CADM1: variants seen among roughly 807,000 people sequenced by gnomAD.
CADM1 encodes the protein cell adhesion molecule 1.
Under a neutral mutation model 53.1 loss-of-function variants are expected in CADM1, and 15 were observed. That is an observed-to-expected ratio of 0.28 (90% CI 0.19 to 0.44). The LOEUF is 0.44. Ranked by LOEUF, CADM1 falls within the 20% of genes least tolerant of loss-of-function variation. The pLI is 1.00. For missense variants in CADM1, 434 were observed against 611.3 expected, an observed-to-expected ratio of 0.71 and a Z score of 3.06; for synonymous variants, 281 against 243.0, an observed-to-expected ratio of 1.16 and a Z score of -1.45.
intron 1 of CADM1, among the ~76,000 whole-genome samples, chr11:115,319,928 G>T (rs905644842): frequency 6.6e-6 from 1 of 152,074 alleles, no homozygotes; most frequent in African/African-American, 2.4e-5. Flanking sequence ...TTATCTTCCT[G>T]TTGGGGCCTT....
chr11:115,227,733 T>C (rs1160679319), intron 5 of CADM1, among the ~76,000 whole-genome samples: 1 of 152,240 alleles, frequency 6.6e-6, no homozygotes, highest in Non-Finnish European at 1.5e-5. Context: ...CCCTGCATTA[T>C]GTAATGTTAA....
intron 1 of CADM1, among the ~76,000 whole-genome samples, chr11:115,423,966 T>C (rs1406932430): frequency 6.6e-6 from 1 of 152,208 alleles, no homozygotes; most frequent in Non-Finnish European, 1.5e-5. Flanking sequence ...AGCATCCTGG[T>C]CATCGTTTCC....
chr11:115,376,169 A>T (rs1022023713), intron 1 of CADM1, among the ~76,000 whole-genome samples: 7 of 152,172 alleles, frequency 4.6e-5, no homozygotes, highest in African/African-American at 1.4e-4. Flanking sequence ...GCAAGTACTT[A>T]ATCTTTTTGT....
intron 1 of CADM1, among the ~76,000 whole-genome samples, chr11:115,246,087 A>C (rs1942399207): frequency 6.6e-6 from 1 of 152,224 alleles, no homozygotes; most frequent in African/African-American, 2.4e-5. Flanking sequence ...CCAGGGTCCA[A>C]AGAGAGGGGC....
chr11:115,228,256 G>C (rs955938996), intron 5 of CADM1, among the ~76,000 whole-genome samples: 1 of 152,310 alleles, frequency 6.6e-6, no homozygotes, highest in African/African-American at 2.4e-5. Flanking sequence ...GCGTTGTAAG[G>C]AAAGAAGTTT....
At chr11:115,197,251 T>C (rs59276731) in intron 9 of CADM1, among the ~76,000 whole-genome samples, 7,040 of 152,276 alleles carry the variant, frequency 0.046, 334 homozygotes, top group African/African-American at 0.13. Flanking sequence ...TTATCAAATG[T>C]AGGTCTCTAA....
rs147475004 is a variant in CADM1 at position 115,432,483 on chromosome 11, C to T, written c.124+71788G>A. On this transcript the variant is annotated intron_variant, in intron 1 of 11. Coordinates refer to ENST00000331581, the MANE Select transcript of CADM1 (RefSeq NM_001301043.2). Reference sequence around the variant, plus strand: ...GGTCAAGGATTCTCCCTTTTGCCCACTTGGCATCTCAGCATCTAGCCTACA... The same window carrying T: ...GGTCAAGGATTCTCCCTTTTGCCCATTTGGCATCTCAGCATCTAGCCTACA... Among the ~76,000 whole-genome samples the T allele has an allele frequency of 3.6e-3, 547 of 152,302 alleles. 1 individual carries two copies. The highest frequency in any genetic ancestry group is 5.1e-3 in the Non-Finnish European group (348 of 68,028).
At chr11:115,318,676 C>G (rs532462038) in intron 1 of CADM1, among the ~76,000 whole-genome samples, 1 of 151,888 alleles carries the variant, frequency 6.6e-6, no homozygotes, top group African/African-American at 2.4e-5. Flanking sequence ...AATTCAGATA[C>G]GGGAATGGAA....
At chr11:115,496,176 C>A (rs1206077218) in intron 1 of CADM1, among the ~76,000 whole-genome samples, 3 of 152,068 alleles carry the variant, frequency 2.0e-5, no homozygotes, top group African/African-American at 7.2e-5. Flanking sequence ...TTTGGCTTAG[C>A]ATCAAGAAAC....
Position 115,295,544 on chromosome 11 carries a change from ATATAT to A in CADM1, c.125-55129_125-55125del, listed in dbSNP as rs1565349480. On this transcript the variant is annotated intron_variant, in intron 1 of 11. Coordinates refer to ENST00000331581, the MANE Select transcript of CADM1 (RefSeq NM_001301043.2). ...TATATATATATATATATATATATAT[ATATAT>A]AATATATATGTATATGCACATATAT... Among the ~76,000 whole-genome samples the A allele has an allele frequency of 3.9e-4, 22 of 56,222 alleles. No homozygotes were observed. In the South Asian group the frequency reaches 6.3e-3, roughly 16 times the overall value. The allele number at this position is 56,222 out of a possible 152,430, so 36.9% of individuals were successfully genotyped here.
At chr11:115,312,459 T>C (rs544721645) in intron 1 of CADM1, among the ~76,000 whole-genome samples, 19 of 152,276 alleles carry the variant, frequency 1.2e-4, no homozygotes, top group African/African-American at 2.9e-4. Context: ...AATCCATTAG[T>C]AGTAGCCTCA....
At chr11:115,362,360 C>A (rs1396378186) in intron 1 of CADM1, among the ~76,000 whole-genome samples, 1 of 152,054 alleles carries the variant, frequency 6.6e-6, no homozygotes, top group African/African-American at 2.4e-5. Flanking sequence ...AAAAAATGTA[C>A]CTTGATATCA....
At chr11:115,487,450 T>C (rs925980682) in intron 1 of CADM1, among the ~76,000 whole-genome samples, 7 of 152,180 alleles carry the variant, frequency 4.6e-5, no homozygotes, top group African/African-American at 1.7e-4. Context: ...AAAAATATTC[T>C]ATTAAAACAT....
intron 10 of CADM1, among the ~76,000 whole-genome samples, chr11:115,181,282 C>A (rs140517694): frequency 1.3e-5 from 2 of 152,174 alleles, no homozygotes; most frequent in South Asian, 4.2e-4. Context: ...TTTCTTGAGC[C>A]GAAACTCCTT....
chr11:115,383,662 C>T (rs887891959), intron 1 of CADM1, among the ~76,000 whole-genome samples: 2 of 152,078 alleles, frequency 1.3e-5, no homozygotes, highest in South Asian at 4.2e-4. Flanking sequence ...TTATCTTTTC[C>T]CCCCATGACT....
At chr11:115,313,145 C>T (rs1020588782) in intron 1 of CADM1, among the ~76,000 whole-genome samples, 4 of 152,178 alleles carry the variant, frequency 2.6e-5, no homozygotes, top group African/African-American at 7.2e-5. Flanking sequence ...TCAGCATATA[C>T]TATATAATAA....
intron 1 of CADM1, among the ~76,000 whole-genome samples, chr11:115,334,622 T>C (rs1037160652): frequency 2.0e-5 from 3 of 152,122 alleles, no homozygotes; most frequent in African/African-American, 4.8e-5. Flanking sequence ...ATAGGGAAAA[T>C]AGTCTGTATA....
At chr11:115,198,307 A>C in intron 9 of CADM1, 99 bp downstream of exon 9, 1 of 886,382 alleles carries the variant, frequency 1.1e-6, no homozygotes, top group Non-Finnish European at 1.8e-6. Flanking sequence ...GTCTACTTGA[A>C]ACATGATTTC....
intron 10 of CADM1, among the ~76,000 whole-genome samples, chr11:115,187,701 A>G (rs985757519): frequency 4.6e-5 from 7 of 152,174 alleles, no homozygotes; most frequent in Non-Finnish European, 8.8e-5. Context: ...TCAGCGTCCC[A>G]AAGTGCTGGG....
Sources: gnomAD v4.1 joint callset for allele counts (sites outside exome capture counted in the v4.1 genomes callset) on GRCh38, gnomAD v4.1.1 for gene constraint, MANE v1.5 for transcripts, NCBI Gene and HGNC (gene_info 2026-07-23, HGNC 2026-07-21) for gene names.